ZP3: variants seen among roughly 807,000 people sequenced by gnomAD.
ZP3 encodes zona pellucida glycoprotein 3, also known as zona pellucida sperm-binding protein 3.
ZP3 carries 21 observed loss-of-function variants against 35.6 expected under a neutral mutation model. That is an observed-to-expected ratio of 0.59 (90% CI 0.42 to 0.85). ZP3 has a LOEUF of 0.85. Among genes scored for constraint, ZP3 ranks in the 40% least tolerant of loss-of-function variants. ZP3 has a pLI of 0.00. For missense variants in ZP3, 437 were observed against 536.5 expected (o/e 0.81, Z 1.83); for synonymous variants, 207 against 214.5 (o/e 0.96, Z 0.31).
chr7:76,420,909 G>A (rs1423967204), upstream of ZP3, among the ~76,000 whole-genome samples: 2 of 113,806 alleles, frequency 1.8e-5, no homozygotes, highest in Non-Finnish European at 3.3e-5. Flanking sequence ...ATTTCCACGT[G>A]TGTGTGTGTG....
intron 1 of ZP3, among the ~76,000 whole-genome samples, chr7:76,405,138 T>C (rs1328320567): frequency 6.9e-6 from 1 of 144,396 alleles, no homozygotes; most frequent in Non-Finnish European, 1.5e-5. Flanking sequence ...AGAGTCTCAC[T>C]CTGTGGCCAG....
At chr7:76,414,932 G>A (rs1805335274) in intron 1 of ZP3, among the ~76,000 whole-genome samples, 1 of 142,338 alleles carries the variant, frequency 7.0e-6, no homozygotes, top group Non-Finnish European at 1.5e-5. Context: ...AATTAACATT[G>A]GCACATTAAT....
At chr7:76,428,292 G>A (rs1755223624) in intron 1 of ZP3, among the ~76,000 whole-genome samples, 1 of 152,080 alleles carries the variant, frequency 6.6e-6, no homozygotes, top group Non-Finnish European at 1.5e-5. Context: ...CTGCACTCCA[G>A]CCTGGGTGAC....
At position 76,440,496 on chromosome 7, in the gene ZP3, G is replaced by C; in HGVS notation, c.945G>C (p.Ser315=). 1 of 1,614,042 alleles carries C rather than the reference G, an allele frequency of 6.2e-7. No individual in the cohort carries two copies. Among genetic ancestry groups the C allele is most frequent in the East Asian group, 2.2e-5 (1 of 44,872 alleles). ...PSNSWFPVEG[S]ADICQCCNKG... is the part of the protein sequence containing the mutation. ...TCAGCTGGTTCCCAGTGGAAGGCTCGGCTGACATCTGTCAATGCTGTAACA... is the reference window on the plus strand; with the variant it reads ...TCAGCTGGTTCCCAGTGGAAGGCTCCGCTGACATCTGTCAATGCTGTAACA... Residue 315 remains serine, a synonymous_variant, in exon 7 of 8, where the codon TCG becomes TCC. Transcript: ENST00000394857.
At chr7:76,422,785 G>T (rs1287111233), upstream of ZP3, among the ~76,000 whole-genome samples, 1 of 151,322 alleles carries the variant, frequency 6.6e-6, no homozygotes, top group Admixed American at 6.6e-5. Context: ...ATCACTTGAG[G>T]TCCAGAGTTC....
At chr7:76,428,105 C>T (rs1029101907) in intron 1 of ZP3, among the ~76,000 whole-genome samples, 3 of 151,240 alleles carry the variant, frequency 2.0e-5, no homozygotes, top group Admixed American at 1.3e-4. Context: ...GCAGGTGGAT[C>T]ACCTGAGGCC....
At chr7:76,399,252 A>G (rs918463851) in intron 1 of ZP3, among the ~76,000 whole-genome samples, 6 of 152,052 alleles carry the variant, frequency 3.9e-5, no homozygotes, top group African/African-American at 1.4e-4. Context: ...ACCTCAGGTG[A>G]TACACCTGCC....
intron 1 of ZP3, among the ~76,000 whole-genome samples, chr7:76,426,262 A>C (rs557526655): frequency 5.9e-5 from 9 of 152,268 alleles, no homozygotes; most frequent in Non-Finnish European, 1.2e-4. Context: ...CCCTTTCCCT[A>C]GCCAGTGGGG....
At chr7:76,425,956 G>A (rs1434173646) in intron 1 of ZP3, among the ~76,000 whole-genome samples, 1 of 152,026 alleles carries the variant, frequency 6.6e-6, no homozygotes, top group Non-Finnish European at 1.5e-5. Flanking sequence ...GGTGGTGCGT[G>A]TCTGTAATCC....
chr7:76,432,886 T>C (rs983998704), intron 2 of ZP3, 41 bp from the exon 3 acceptor site: 2 of 1,562,774 alleles, frequency 1.3e-6, no homozygotes, highest in Non-Finnish European at 1.8e-6. Context: ...CAGGTGGGTG[T>C]GACCTGAGGC....
At chr7:76,405,339 C>CTTTCTTTT (rs1271510975) in intron 1 of ZP3, among the ~76,000 whole-genome samples, 13 of 21,378 alleles carry the variant, frequency 6.1e-4, no homozygotes, top group Non-Finnish European at 8.0e-4. Context: ...TTCTTTCTTT[C>CTTTCTTTT]TTTTTTTTTT....
At position 76,429,616 on chromosome 7, in the gene ZP3, C is replaced by T. The variant is rs1300050339; in HGVS notation, c.414C>T (p.Ile138=). The change falls in exon 2 of 8, where the codon ATC becomes ATT. Residue 138 remains isoleucine (I), a synonymous_variant. Transcript: ENST00000394857. ...IVRTNRAEIP[I]ECRYPRQGNV... ...GGACTAACCGCGCAGAGATTCCCAT[C>T]GAGTGCCGCTACCCCAGGTCGGTGT... The T allele has an allele frequency of 1.3e-5, 21 of 1,613,936 alleles. No individual in the cohort carries two copies. The highest frequency in any genetic ancestry group is 3.3e-4 in the Middle Eastern group (2 of 6,084).
Position 76,425,233 on chromosome 7 carries a change from T to C in ZP3, c.269T>C (p.Val90Ala). 1 of 1,613,484 alleles carries C rather than the reference T, an allele frequency of 6.2e-7. No individual in the cohort carries two copies. ...GTCTCCATGGACACAGAAGATGTGG[T>C]CAGGTTTGAGGTTGGACTCCACGAG... ...PLVSMDTEDVVRFEVGLHECG... is the reference protein window; with the variant it reads ...PLVSMDTEDVARFEVGLHECG... The change falls in exon 1 of 8, where the codon GTC (valine) becomes GCC (alanine). Residue 90 changes from valine to alanine, a missense_variant. Val to Ala is a moderately conservative substitution (Grantham distance 64, BLOSUM62 0). Transcript: ENST00000394857.
intron 1 of ZP3, among the ~76,000 whole-genome samples, chr7:76,419,429 A>C (rs978495789): frequency 6.6e-6 from 1 of 152,108 alleles, no homozygotes; most frequent in Non-Finnish European, 1.5e-5. Flanking sequence ...TGAAGAGTCC[A>C]TCTGTTTCCT....
intron 5 of ZP3, among the ~76,000 whole-genome samples, chr7:76,438,089 T>G (rs540055609): frequency 4.6e-5 from 7 of 152,376 alleles, no homozygotes; most frequent in Admixed American, 6.5e-5. Flanking sequence ...CTCTGAGGCT[T>G]CTGCTGGAAG....
intron 1 of ZP3, among the ~76,000 whole-genome samples, chr7:76,401,495 C>G (rs1480717609): frequency 6.6e-6 from 1 of 152,154 alleles, no homozygotes; most frequent in Non-Finnish European, 1.5e-5. Flanking sequence ...CAGCTCACTG[C>G]AGCCTCTTCC....
chr7:76,433,198 G>T (rs1805887841), intron 3 of ZP3, among the ~76,000 whole-genome samples, 168 bp downstream of exon 3: 1 of 139,834 alleles, frequency 7.2e-6, no homozygotes, highest in South Asian at 2.3e-4. Context: ...CTGACCTCCA[G>T]GCTGGAGTGC....
upstream of ZP3, among the ~76,000 whole-genome samples, chr7:76,422,159 A>C (rs139544250): frequency 0.042 from 6,402 of 151,500 alleles, 401 homozygotes; most frequent in African/African-American, 0.14. Context: ...GGCCTCCCAA[A>C]ATGCTGGGAT....
At chr7:76,410,605 C>A (rs1805216437) in intron 1 of ZP3, among the ~76,000 whole-genome samples, 1 of 151,858 alleles carries the variant, frequency 6.6e-6, no homozygotes, top group South Asian at 2.1e-4. Flanking sequence ...AAGACTGAGG[C>A]CAAGGGAGGA....
Sources: allele counts gnomAD v4.1 joint callset (sites outside exome capture counted in the v4.1 genomes callset), GRCh38; gene constraint gnomAD v4.1.1; transcripts MANE v1.5; gene names NCBI Gene and HGNC (gene_info 2026-07-23, HGNC 2026-07-21).